LAMC1: variants seen among roughly 807,000 people sequenced by gnomAD.
LAMC1 encodes laminin subunit gamma 1.
In LAMC1, 38 loss-of-function variants were observed where a neutral mutation model predicts 173.6. That is an observed-to-expected ratio of 0.22 (90% CI 0.17 to 0.29). The LOEUF (loss-of-function observed/expected upper bound fraction) is 0.29. Among genes scored for constraint, LAMC1 ranks in the 10% least tolerant of loss-of-function variants. The probability of loss-of-function intolerance (pLI) is 1.00; values close to 1 mark genes in which losing one functional copy is unlikely to be tolerated. For missense variants in LAMC1, 1,824 were observed against 2,051.8 expected (o/e 0.89, Z 2.14); for synonymous variants, 746 against 749.1 (o/e 1.00, Z 0.07).
chr1:183,098,459 G>A (rs983561828), intron 1 of LAMC1, among the ~76,000 whole-genome samples: 1 of 152,178 alleles, frequency 6.6e-6, no homozygotes, highest in African/African-American at 2.4e-5. Flanking sequence ...TACATTGGCA[G>A]AGGGGATGCT....
At chr1:183,042,061 C>G (rs1299889381) in intron 1 of LAMC1, among the ~76,000 whole-genome samples, 8 of 152,034 alleles carry the variant, frequency 5.3e-5, no homozygotes. Context: ...ATCAAAGAGC[C>G]CCAGTATAAA....
chr1:183,056,439 G>C (rs1441209257), intron 1 of LAMC1, among the ~76,000 whole-genome samples: 1 of 152,048 alleles, frequency 6.6e-6, no homozygotes, highest in Non-Finnish European at 1.5e-5. Context: ...TACCAAATCT[G>C]GTGTGTTTAT....
At chr1:183,125,013 T>A in intron 14 of LAMC1, 137 bp downstream of exon 14, 2 of 1,153,698 alleles carry the variant, frequency 1.7e-6, no homozygotes, top group Non-Finnish European at 2.4e-6. Context: ...TTTAAAATTT[T>A]CTAGTCACCA....
intron 1 of LAMC1, among the ~76,000 whole-genome samples, chr1:183,054,880 G>T (rs1654542647): frequency 6.6e-6 from 1 of 152,050 alleles, no homozygotes; most frequent in Admixed American, 6.6e-5. Flanking sequence ...GAGCAGGCCA[G>T]GAAGCCAGTG....
At chr1:183,085,397 A>G (rs1196505971) in intron 1 of LAMC1, among the ~76,000 whole-genome samples, 1 of 151,850 alleles carries the variant, frequency 6.6e-6, no homozygotes, top group Non-Finnish European at 1.5e-5. Flanking sequence ...GGATCTTGCT[A>G]TATCACCCAG....
At chr1:183,038,662 G>A (rs1654046400) in intron 1 of LAMC1, among the ~76,000 whole-genome samples, 1 of 152,196 alleles carries the variant, frequency 6.6e-6, no homozygotes, top group Non-Finnish European at 1.5e-5. Flanking sequence ...CAGGGACTGG[G>A]AAGTGATATT....
In LAMC1 at chr1:183,076,777, A is replaced by G. The variant is rs571462031; in HGVS notation, c.419-26551A>G. ...ACTGTCTAATGTTGTAGGTTTGACC[A>G]TTGGTTATTGAAGCTTGGATATACA... On this transcript the variant is annotated intron_variant, in intron 1 of 27. Coordinates refer to ENST00000258341, the MANE Select transcript of LAMC1 (RefSeq NM_002293.4). Among the ~76,000 whole-genome samples the G allele has an allele frequency of 1.5e-3, 236 of 152,344 alleles. 2 individuals are homozygous for G. The highest frequency in any genetic ancestry group is 9.6e-4 in the East Asian group (5 of 5,186).
intron 1 of LAMC1, among the ~76,000 whole-genome samples, chr1:183,082,415 A>G (rs1005696440): frequency 6.6e-6 from 1 of 152,230 alleles, no homozygotes; most frequent in African/African-American, 2.4e-5. Context: ...AGAGATTGCA[A>G]TGTTAAATGT....
At chr1:183,070,226 C>G (rs1236029411) in intron 1 of LAMC1, among the ~76,000 whole-genome samples, 1 of 152,196 alleles carries the variant, frequency 6.6e-6, no homozygotes, top group African/African-American at 2.4e-5. Flanking sequence ...ATTATTTAGT[C>G]TCTGGGCCTG....
rs1416674771 is a variant in LAMC1 at position 183,127,271 on chromosome 1, A to G, written c.2990A>G (p.Asp997Gly). Residue 997 changes from aspartate (D) to glycine (G), a missense_variant, in exon 17 of 28, where the codon GAT becomes GGT. Asp to Gly is a moderately conservative substitution (Grantham distance 94). Coordinates refer to ENST00000258341, the MANE Select transcript of LAMC1 (RefSeq NM_002293.4). ...GGATCTCTTTCACTTCAGTGCAAAG[A>G]TGATGGTCGCTGTGAATGCAGAGAA... ...PEGSLSLQCKDDGRCECREGF... is the reference protein window; with the variant it reads ...PEGSLSLQCKGDGRCECREGF... 29 of 1,614,056 alleles carry G rather than the reference A, an allele frequency of 1.8e-5. No homozygotes were observed. Among genetic ancestry groups the G allele is most frequent in the Non-Finnish European group, 2.4e-5 (28 of 1,180,024 alleles).
At chr1:183,053,465 A>C (rs1654493074) in intron 1 of LAMC1, among the ~76,000 whole-genome samples, 1 of 150,958 alleles carries the variant, frequency 6.6e-6, no homozygotes, top group African/African-American at 2.4e-5. Flanking sequence ...AAAAGTATTG[A>C]GTTACATAAT....
At chr1:183,031,918 GA>G (rs913589419) in intron 1 of LAMC1, among the ~76,000 whole-genome samples, 3 of 147,250 alleles carry the variant, frequency 2.0e-5, no homozygotes, top group African/African-American at 7.4e-5. Flanking sequence ...TTAAAAATAA[GA>G]AAAAAAAAGA....
chr1:183,101,596 T>C (rs1177895265), intron 1 of LAMC1, among the ~76,000 whole-genome samples: 1 of 151,934 alleles, frequency 6.6e-6, no homozygotes, highest in Non-Finnish European at 1.5e-5. Context: ...TATAGAATTT[T>C]ACAATTAGTC....
chr1:183,061,100 TGATGTC>T (rs1654735822), intron 1 of LAMC1, among the ~76,000 whole-genome samples: 1 of 152,078 alleles, frequency 6.6e-6, no homozygotes, highest in Admixed American at 6.5e-5. Flanking sequence ...AGGACTAGGG[TGATGTC>T]GATCAGAAAG....
At chr1:183,117,917 T>G (rs1334009854) in intron 10 of LAMC1, 117 bp from the exon 11 acceptor site, 5 of 760,764 alleles carry the variant, frequency 6.6e-6, no homozygotes, top group Non-Finnish European at 1.1e-5. Context: ...GTCTTATTTT[T>G]TATTTGATTT....
Position 183,142,545 on chromosome 1 carries a change from A to G in LAMC1, c.4585A>G (p.Thr1529Ala). ...DLLEQLGQLD[T>A]VDLNKLNEIE... ...TTCTGACCCTCCAGGGCAGCTGGATACAGTGGACCTGAATAAGCTAAACGA... is the reference window on the plus strand; with the variant it reads ...TTCTGACCCTCCAGGGCAGCTGGATGCAGTGGACCTGAATAAGCTAAACGA... Residue 1529 changes from threonine (T) to alanine (A), a missense_variant, in exon 28 of 28, where the codon ACA (threonine) becomes GCA (alanine). Physicochemically the swap from Thr to Ala is moderately conservative, Grantham distance 58. Transcript: ENST00000258341. 6.2e-7 allele frequency: 1 copy of G among 1,611,850 alleles called. No homozygotes were observed. The highest frequency in any genetic ancestry group is 8.5e-7 in the Non-Finnish European group (1 of 1,179,068).
At chr1:183,119,083 G>A (rs1194057086) in intron 11 of LAMC1, among the ~76,000 whole-genome samples, 1 of 151,960 alleles carries the variant, frequency 6.6e-6, no homozygotes, top group African/African-American at 2.4e-5. Flanking sequence ...TTTTAGTAGA[G>A]ATGGGGTTTT....
At chr1:183,142,407 G>A in intron 27 of LAMC1, 127 bp from the exon 28 acceptor site, 1 of 947,458 alleles carries the variant, frequency 1.1e-6, no homozygotes. Flanking sequence ...CAATCTGCAA[G>A]TCACATTTGC....
chr1:183,103,978 C>A (rs1263967894), intron 2 of LAMC1, among the ~76,000 whole-genome samples: 1 of 147,494 alleles, frequency 6.8e-6, no homozygotes, highest in African/African-American at 2.5e-5. Context: ...GAACATTTGA[C>A]CTAATTACCC....
Sources: allele counts gnomAD v4.1 joint callset (sites outside exome capture counted in the v4.1 genomes callset), GRCh38; gene constraint gnomAD v4.1.1; transcripts MANE v1.5; gene names NCBI Gene and HGNC (gene_info 2026-07-23, HGNC 2026-07-21).